OTUD7B: variants seen among roughly 807,000 people sequenced by gnomAD.
OTUD7B encodes OTU deubiquitinase 7B.
In OTUD7B, 34 loss-of-function variants were observed where a neutral mutation model predicts 82.2. The ratio of observed to expected loss-of-function variants is 0.41; its 90% CI spans 0.31 to 0.55. The LOEUF (loss-of-function observed/expected upper bound fraction) is 0.55, where lower values mean the gene tolerates loss of function less well. Among genes scored for constraint, OTUD7B ranks in the 20% least tolerant of loss-of-function variants. The pLI is 0.20. For synonymous variants in OTUD7B, 398 were observed against 402.7 expected (o/e 0.99, Z 0.14); for missense variants, 944 against 1,062.1 (o/e 0.89, Z 1.55).
chr1:149,949,601 G>A (rs781873423), intron 9 of OTUD7B, 28 bp downstream of exon 9: 3 of 1,603,428 alleles, frequency 1.9e-6, no homozygotes, highest in South Asian at 1.1e-5. Flanking sequence ...TGAAAATAAT[G>A]CAGACCAAAA....
chr1:149,970,296 T>TA (rs1649822148), intron 3 of OTUD7B, among the ~76,000 whole-genome samples: 1 of 135,194 alleles, frequency 7.4e-6, no homozygotes, highest in Non-Finnish European at 1.6e-5. Flanking sequence ...TTTATGTATT[T>TA]CTTTTTTTAA....
chr1:149,991,565 T>G (rs1379842429), intron 1 of OTUD7B, among the ~76,000 whole-genome samples: 1 of 152,198 alleles, frequency 6.6e-6, no homozygotes, highest in Admixed American at 6.5e-5. Context: ...TTTAGAATCA[T>G]AAACTTTTAG....
At chr1:149,960,389 CTTTTTTTCTTTT>C (rs1649063994) in intron 6 of OTUD7B, among the ~76,000 whole-genome samples, 3 of 4,120 alleles carry the variant, frequency 7.3e-4, no homozygotes, top group Non-Finnish European at 2.3e-3. Flanking sequence ...CTTTTCTTTC[CTTTTTTTCTTTT>C]TTTTTTTTTT....
At chr1:149,962,153 A>G (rs1553775759) in intron 6 of OTUD7B, 1 of 152,198 alleles carries the variant, frequency 6.6e-6, no homozygotes, top group Non-Finnish European at 1.5e-5. Flanking sequence ...AGTCACTCCA[A>G]TAGACACATC....
the OTUD7B span, chr1:150,054,222 T>C: frequency 2.3e-6 from 1 of 431,246 alleles, no homozygotes; most frequent in Non-Finnish European, 4.4e-6. Flanking sequence ...ACTGAAGATG[T>C]GCTTTCAAAG....
the OTUD7B span, chr1:150,067,634 G>GCAGCGGCCCAGGCCGTCT: frequency 2.0e-6 from 1 of 512,014 alleles, no homozygotes; most frequent in Non-Finnish European, 3.5e-6. Context: ...CCCGCGCGTG[G>GCAGCGGCCCAGGCCGTCT]CAGCGGCCCA....
chr1:150,009,749 T>C (rs935873246), intron 1 of OTUD7B, among the ~76,000 whole-genome samples: 14 of 152,014 alleles, frequency 9.2e-5, no homozygotes, highest in African/African-American at 3.1e-4. Context: ...GCCGGCCCAG[T>C]AAACAAATCC....
intron 1 of OTUD7B, among the ~76,000 whole-genome samples, chr1:149,996,224 A>C (rs1651912470): frequency 6.6e-6 from 1 of 152,246 alleles, no homozygotes; most frequent in Non-Finnish European, 1.5e-5. Flanking sequence ...ATGCCAAAGC[A>C]GGTCACACTG....
chr1:150,015,931 C>T, the OTUD7B span, among the ~76,000 whole-genome samples: 1 of 152,200 alleles, frequency 6.6e-6, no homozygotes, highest in African/African-American at 2.4e-5. Flanking sequence ...GGAAAGTCTT[C>T]TTTGCTCTTA....
chr1:150,060,325 G>A, the OTUD7B span, among the ~76,000 whole-genome samples: 1 of 152,152 alleles, frequency 6.6e-6, no homozygotes, highest in Non-Finnish European at 1.5e-5. Context: ...AAGGTTAAAC[G>A]AGGTCATTAG....
At chr1:150,059,386 T>TG in the OTUD7B span, among the ~76,000 whole-genome samples, 1 of 146,998 alleles carries the variant, frequency 6.8e-6, no homozygotes, top group Middle Eastern at 3.4e-3. Flanking sequence ...TTTTTTTTTT[T>TG]GAGACAGAGT....
At chr1:149,971,862 A>G (rs1337953285) in intron 2 of OTUD7B, among the ~76,000 whole-genome samples, 4 of 152,322 alleles carry the variant, frequency 2.6e-5, no homozygotes, top group Non-Finnish European at 5.9e-5. Flanking sequence ...TGCTTTCTCC[A>G]GCTAAATTAT....
intron 6 of OTUD7B, chr1:149,962,320 C>T (rs1179216770): frequency 6.6e-6 from 1 of 152,196 alleles, no homozygotes; most frequent in Non-Finnish European, 1.5e-5. Flanking sequence ...GAAATCAAAA[C>T]TTATTTAGTG....
chr1:149,942,703 T>C lies in OTUD7B; in HGVS notation c.*1154A>G, dbSNP rs1647338344. ...ACTAACCACAGATTAAGGTCAGCTA[T>C]GGCTTAACAAAAGAAGCCGGGATGT... On this transcript the variant is annotated 3_prime_UTR_variant, in exon 12 of 12. Transcript: ENST00000581312. The C allele has an allele frequency of 1.3e-5, 2 of 152,774 alleles. No individual in the cohort carries two copies. The highest frequency in any genetic ancestry group is 4.1e-4 in the South Asian group (2 of 4,826). 9.5% of individuals were successfully genotyped at this position (152,774 alleles called of 1,614,324 possible).
At chr1:150,001,767 G>C (rs1169111771) in intron 1 of OTUD7B, among the ~76,000 whole-genome samples, 20 of 152,152 alleles carry the variant, frequency 1.3e-4, no homozygotes, top group Admixed American at 1.2e-3. Flanking sequence ...CCAAACCAAG[G>C]CCCTTCTCTG....
chr1:149,937,883 GTTTTCCAAAGTGACACTCAA>G lies in OTUD7B; in HGVS notation c.*5954_*5973del, dbSNP rs1182365204. Reference sequence around the variant, plus strand: ...CAGCAATCCTTAGATGGGGGCCCCAGTTTTCCAAAGTGACACTCAATTTTCCCCTCCCCCCAGTACACCAC... The same window carrying G: ...CAGCAATCCTTAGATGGGGGCCCCAGTTTTCCCCTCCCCCCAGTACACCAC... On this transcript the variant is annotated 3_prime_UTR_variant, in exon 12 of 12. Transcript: ENST00000581312. 1.3e-5 allele frequency: 2 copies of G among 152,150 alleles called. No individual in the cohort carries two copies. Among genetic ancestry groups the G allele is most frequent in the Non-Finnish European group, 2.9e-5 (2 of 68,044 alleles). 9.4% of individuals were successfully genotyped at this position (152,150 alleles called of 1,614,324 possible).
the OTUD7B span, among the ~76,000 whole-genome samples, chr1:150,032,537 A>T: frequency 6.6e-6 from 1 of 150,752 alleles, no homozygotes; most frequent in Non-Finnish European, 1.5e-5. Flanking sequence ...TGGTAAATTG[A>T]GGTGGGAGGA....
intron 7 of OTUD7B, among the ~76,000 whole-genome samples, chr1:149,958,177 G>A (rs587775589): frequency 6.6e-6 from 1 of 152,200 alleles, no homozygotes; most frequent in South Asian, 2.1e-4. Context: ...GGTCAATCTT[G>A]TTTTACTACA....
rs782284502 is a variant in OTUD7B at position 149,944,312 on chromosome 1, G to T, written c.2077C>A (p.Pro693Thr). ...SRAMAFSTGY[P>T]GDFTIPRPSG... ...GGCCGAGGGATAGTAAAGTCCCCAGGGTAGCCAGTGGAAAATGCCATTGCC... is the reference window on the plus strand; with the variant it reads ...GGCCGAGGGATAGTAAAGTCCCCAGTGTAGCCAGTGGAAAATGCCATTGCC... The change falls in exon 12 of 12, where the codon CCT (proline) becomes ACT (threonine). Residue 693 changes from proline (P) to threonine (T), a missense_variant. Pro to Thr is a conservative substitution (Grantham distance 38). This residue lies in a region of OTUD7B where 412 missense variants were observed against 418.7 expected (regional missense o/e 0.98). Coordinates refer to ENST00000581312, the MANE Select transcript of OTUD7B (RefSeq NM_020205.4). The T allele has an allele frequency of 2.2e-5, 35 of 1,611,016 alleles. No individual in the cohort carries two copies. Among genetic ancestry groups the T allele is most frequent in the African/African-American group, 1.7e-4 (13 of 74,862 alleles).
Sources: allele counts gnomAD v4.1 joint callset (sites outside exome capture counted in the v4.1 genomes callset), GRCh38; gene constraint gnomAD v4.1.1; regional missense constraint gnomAD v4.1.1; transcripts MANE v1.5; gene names NCBI Gene and HGNC (gene_info 2026-07-23, HGNC 2026-07-21).